Variants in SPAG16 observed in about 807,000 individuals in gnomAD.
The protein encoded by SPAG16 is sperm-associated antigen 16 protein.
Under a neutral mutation model 80.4 loss-of-function variants are expected in SPAG16, and 86 were observed. The observed-to-expected ratio is 1.07, with a 90% CI of 0.90 to 1.28. SPAG16 has a LOEUF of 1.28. SPAG16 is among the 50% of genes most tolerant of loss of function. SPAG16 has a pLI of 0.00. For missense variants in SPAG16, 870 were observed against 765.3 expected (o/e 1.14, Z -1.61); for synonymous variants, 294 against 265.9 (o/e 1.11, Z -1.03).
At chr2:213,924,705 T>TTAG (rs1015261552) in intron 11 of SPAG16, among the ~76,000 whole-genome samples, 2 of 152,214 alleles carry the variant, frequency 1.3e-5, no homozygotes, top group African/African-American at 4.8e-5. Context: ...CCTTAGAAGT[T>TTAG]TAGTGTGCCT....
At chr2:213,690,655 C>T (rs1353962069) in intron 10 of SPAG16, among the ~76,000 whole-genome samples, 4 of 152,170 alleles carry the variant, frequency 2.6e-5, no homozygotes, top group African/African-American at 7.2e-5. Flanking sequence ...TCTGCCAGTG[C>T]AGGTAGAACA....
chr2:213,387,429 C>CTTTTTTTTTTTTTT (rs1491308938), intron 9 of SPAG16, among the ~76,000 whole-genome samples: 3 of 71,760 alleles, frequency 4.2e-5, no homozygotes, highest in East Asian at 6.2e-4. Flanking sequence ...GAAATGCATG[C>CTTTTTTTTTTTTTT]TCTTTTTTTT....
chr2:214,056,497 G>A (rs1221800252), intron 13 of SPAG16, among the ~76,000 whole-genome samples: 1 of 148,952 alleles, frequency 6.7e-6, no homozygotes, highest in Non-Finnish European at 1.5e-5. Context: ...TTTAAAAAAT[G>A]AGCATTCCTT....
intron 13 of SPAG16, among the ~76,000 whole-genome samples, chr2:214,040,819 G>A (rs760838642): frequency 7.9e-5 from 12 of 152,006 alleles, no homozygotes; most frequent in Non-Finnish European, 1.5e-4. Flanking sequence ...ATTTTGAACT[G>A]ATTATTACTA....
At chr2:213,548,904 A>G (rs922233451) in intron 10 of SPAG16, among the ~76,000 whole-genome samples, 13 of 152,076 alleles carry the variant, frequency 8.5e-5, no homozygotes, top group Admixed American at 6.6e-4. Flanking sequence ...TTATGATTGT[A>G]TATTTTATAT....
chr2:214,150,694 ATAG>A (rs1452286336), intron 15 of SPAG16, among the ~76,000 whole-genome samples: 1 of 152,018 alleles, frequency 6.6e-6, no homozygotes, highest in Non-Finnish European at 1.5e-5. Context: ...GTACTTCCTA[ATAG>A]TAGAAGTTAA....
intron 11 of SPAG16, among the ~76,000 whole-genome samples, chr2:213,881,456 G>A (rs1048301590): frequency 1.3e-5 from 2 of 152,144 alleles, no homozygotes; most frequent in South Asian, 2.1e-4. Context: ...GATGCTATAT[G>A]TGTCTGTTTT....
chr2:214,077,609 C>A (rs974201152), intron 13 of SPAG16, among the ~76,000 whole-genome samples: 1 of 152,208 alleles, frequency 6.6e-6, no homozygotes, highest in Non-Finnish European at 1.5e-5. Context: ...GGCACGTTGG[C>A]CAGCCATGTG....
intron 6 of SPAG16, among the ~76,000 whole-genome samples, chr2:213,348,703 G>T (rs2065149613): frequency 6.6e-6 from 1 of 152,098 alleles, no homozygotes. Context: ...TTGAATATTG[G>T]CCCCCACTCT....
At chr2:214,354,259 C>A (rs1016326579) in intron 15 of SPAG16, among the ~76,000 whole-genome samples, 1 of 152,018 alleles carries the variant, frequency 6.6e-6, no homozygotes, top group African/African-American at 2.4e-5. Flanking sequence ...ATAGGGAATC[C>A]TTTCCCCATT....
chr2:213,416,475 G>C (rs966663364), intron 9 of SPAG16, among the ~76,000 whole-genome samples: 1 of 152,062 alleles, frequency 6.6e-6, no homozygotes, highest in Non-Finnish European at 1.5e-5. Flanking sequence ...AGGGAATGTG[G>C]TCCTACTCTT....
At chr2:214,311,383 G>A (rs753605690) in intron 15 of SPAG16, among the ~76,000 whole-genome samples, 10 of 152,150 alleles carry the variant, frequency 6.6e-5, no homozygotes, top group Non-Finnish European at 1.5e-4. Flanking sequence ...GTCTGAGTTT[G>A]GTGTGAGTGT....
intron 15 of SPAG16, among the ~76,000 whole-genome samples, chr2:214,402,551 G>C (rs1243504432): frequency 6.6e-6 from 1 of 151,896 alleles, no homozygotes; most frequent in Admixed American, 6.6e-5. Flanking sequence ...TATTATTTGG[G>C]TGAGGCTAAG....
At chr2:214,117,078 A>G (rs1429412743) in intron 14 of SPAG16, among the ~76,000 whole-genome samples, 1 of 152,222 alleles carries the variant, frequency 6.6e-6, no homozygotes, top group Non-Finnish European at 1.5e-5. Context: ...ATTCAAAAAT[A>G]GCTGTTTTAA....
intron 9 of SPAG16, among the ~76,000 whole-genome samples, chr2:213,457,733 A>G (rs2072112431): frequency 6.6e-6 from 1 of 152,190 alleles, no homozygotes; most frequent in South Asian, 2.1e-4. Flanking sequence ...TGAACACAGC[A>G]TATGCTTAAA....
intron 13 of SPAG16, among the ~76,000 whole-genome samples, chr2:214,065,517 G>T (rs1481505860): frequency 2.6e-5 from 4 of 152,074 alleles, no homozygotes; most frequent in African/African-American, 9.7e-5. Context: ...ATGGCACAGG[G>T]TGTTAGTATT....
intron 8 of SPAG16, among the ~76,000 whole-genome samples, chr2:213,369,397 T>C (rs1252050866): frequency 1.3e-5 from 2 of 152,208 alleles, no homozygotes; most frequent in African/African-American, 4.8e-5. Flanking sequence ...AGGTAATGTT[T>C]ATAAGGTATG....
chr2:213,888,720 G>C (rs1165277682), intron 11 of SPAG16, among the ~76,000 whole-genome samples: 1 of 151,818 alleles, frequency 6.6e-6, no homozygotes, highest in Admixed American at 6.6e-5. Flanking sequence ...TATTGCCATT[G>C]TATGTCAGGT....
At chr2:213,969,484 C>T (rs563037484) in intron 12 of SPAG16, among the ~76,000 whole-genome samples, 10 of 152,188 alleles carry the variant, frequency 6.6e-5, no homozygotes, top group African/African-American at 2.2e-4. Context: ...CATGGAGGCT[C>T]CTCTCGCAGT....
Sources: allele counts gnomAD v4.1 joint callset (sites outside exome capture counted in the v4.1 genomes callset), GRCh38; gene constraint gnomAD v4.1.1; transcripts MANE v1.5; gene names NCBI Gene and HGNC (gene_info 2026-07-23, HGNC 2026-07-21).